Variants in NUTM1 observed in about 807,000 individuals in gnomAD.
NUTM1 encodes the protein NUT family member 1.
NUTM1 carries 39 observed loss-of-function variants against 88.7 expected under a neutral mutation model. The ratio of observed to expected loss-of-function variants is 0.44; its 90% CI spans 0.34 to 0.57. NUTM1 has a LOEUF of 0.57. Among genes scored for constraint, NUTM1 ranks in the 20% least tolerant of loss-of-function variants. The pLI is 0.01. For synonymous variants in NUTM1, 494 were observed against 538.0 expected (o/e 0.92, Z 1.13); for missense variants, 1,350 against 1,414.5 (o/e 0.95, Z 0.73).
In NUTM1 at chr15:34,348,481, A is replaced by G; in HGVS notation, c.613A>G (p.Lys205Glu). ...ACTGGTCCCCATTGTGCCCCTGGAAAAAGCTTGGCCAGGGCCACATGGGAC... is the reference window on the plus strand; with the variant it reads ...ACTGGTCCCCATTGTGCCCCTGGAAGAAGCTTGGCCAGGGCCACATGGGAC... ...AQLVPIVPLE[K>E]AWPGPHGTTG... is the part of the protein sequence containing the mutation. The change falls in exon 3 of 8, where the codon AAA becomes GAA. Residue 205 changes from lysine to glutamate, a missense_variant. Lys to Glu is a moderately conservative substitution (Grantham distance 56). Transcript: ENST00000537011. The G allele has an allele frequency of 6.2e-7, 1 of 1,614,174 alleles. No individual in the cohort carries two copies. The highest frequency in any genetic ancestry group is 8.5e-7 in the Non-Finnish European group (1 of 1,179,996).
In NUTM1 at chr15:34,348,195, T is replaced by G. The variant is rs1595609126; in HGVS notation, c.327T>G (p.Ser109Arg). The G allele has an allele frequency of 6.2e-7, 1 of 1,613,158 alleles. No homozygotes were observed. The highest frequency in any genetic ancestry group is 8.5e-7 in the Non-Finnish European group (1 of 1,179,134). ...CAGGGGATGGGGGCCCTTGCCTCAG[T>G]GGGGCTGGGGCTGGCAAGGTCATTG... is the stretch of plus-strand genomic sequence containing the variant. ...LVTGDGGPCL[S>R]GAGAGKVIVK... Residue 109 changes from serine to arginine, a missense_variant, in exon 3 of 8, where the codon AGT (serine) becomes AGG (arginine). Transcript: ENST00000537011.
Position 34,355,134 on chromosome 15 carries a change from C to T in NUTM1, c.1476C>T (p.Ala492=). 6.3e-7 allele frequency: 1 copy of T among 1,577,212 alleles called. No individual in the cohort carries two copies. Among genetic ancestry groups the T allele is most frequent in the African/African-American group, 1.3e-5 (1 of 74,292 alleles). The change falls in exon 7 of 8, where the codon GCC becomes GCT. Residue 492 remains alanine, a synonymous_variant. Transcript: ENST00000537011. This position sits in a 1 kb window ranked among gnomAD's most constrained non-coding sequence, Gnocchi z 4.3. The part of the protein sequence containing the change: ...ELEQEEGLTL[A]QLVQKRLMAL... ...AGCAAGAAGAAGGACTCACTCTTGC[C>T]CAGGTAAAACTGGGGTATAGGAAAT...
chr15:34,347,935 C>T lies in NUTM1; in HGVS notation c.101-34C>T, dbSNP rs181825749. On this transcript the variant is annotated intron_variant, in intron 2 of 7. Coordinates refer to ENST00000537011, the MANE Select transcript of NUTM1 (RefSeq NM_001284292.2). ...TGGCTAACTCTGGTCTTCTTTTCTC[C>T]TACTCCATTTCTTCTTTTTCTTTGT... The T allele has an allele frequency of 5.0e-5, 68 of 1,357,878 alleles. No homozygotes were observed. In the African/African-American group the frequency reaches 9.2e-4, roughly 18 times the overall value. The allele number at this position is 1,357,878 out of a possible 1,614,324, so 84.1% of individuals were successfully genotyped here.
In NUTM1 at chr15:34,348,613, A is replaced by G. The variant is rs1304875881; in HGVS notation, c.745A>G (p.Lys249Glu). 6.8e-6 allele frequency: 11 copies of G among 1,610,926 alleles called. No individual in the cohort carries two copies. Residue 249 changes from lysine to glutamate, a missense_variant, in exon 3 of 8, where the codon AAA becomes GAA. Around this residue, in one of 5 missense-constraint regions of NUTM1, gnomAD observed 399 missense variants for 397.9 expected, o/e 1.00. Coordinates refer to ENST00000537011, the MANE Select transcript of NUTM1 (RefSeq NM_001284292.2). ...GAACTTCCGTCAGTGGCAGCGTTACAAAGCCTTGGCCCGGAGGCACCTATC... is the reference window on the plus strand; with the variant it reads ...GAACTTCCGTCAGTGGCAGCGTTACGAAGCCTTGGCCCGGAGGCACCTATC... ...YENFRQWQRY[K>E]ALARRHLSQS...
intron 3 of NUTM1, among the ~76,000 whole-genome samples, chr15:34,349,092 A>T (rs1168618609): frequency 6.6e-6 from 1 of 152,096 alleles, no homozygotes; most frequent in Non-Finnish European, 1.5e-5. Flanking sequence ...CTGGACCCTA[A>T]CTCAGGGCCC....
intron 3 of NUTM1, among the ~76,000 whole-genome samples, chr15:34,349,880 A>G (rs112076508): frequency 5.8e-4 from 88 of 152,232 alleles, no homozygotes; most frequent in African/African-American, 1.9e-3. Context: ...GTGGGCTCTC[A>G]AGGTTTGCAT....
In NUTM1 at chr15:34,355,525, A is replaced by G. The variant is rs560114865; in HGVS notation, c.1517A>G (p.Glu506Gly). 1.4e-4 allele frequency: 219 copies of G among 1,614,100 alleles called. 2 individuals carry two copies. The South Asian group carries it at 2.3e-3, about 17-fold the overall frequency. Residue 506 changes from glutamate to glycine, a missense_variant, in exon 8 of 8, where the codon GAA becomes GGA. By Grantham distance (98) the Glu-to-Gly change is moderately conservative (BLOSUM62 -2). Around this residue, in one of 5 missense-constraint regions of NUTM1, gnomAD observed 126 missense variants for 189.8 expected, o/e 0.66. Transcript: ENST00000537011. The surrounding 1 kb of genome is among the most constrained non-coding windows in gnomAD (Gnocchi z 4.3). The stretch of plus-strand genomic sequence containing the variant: ...CGACTCATGGCCTTGGAAGAGGAGG[A>G]AGATGCAGAGGCGCCTCCAAGTTTC... ...QKRLMALEEE[E>G]DAEAPPSFSG...
chr15:34,345,387 A>G (rs1426259568), intron 1 of NUTM1, among the ~76,000 whole-genome samples: 1 of 152,228 alleles, frequency 6.6e-6, no homozygotes, highest in African/African-American at 2.4e-5. Context: ...TACAGAGCCT[A>G]TGTTAGTAGA....
chr15:34,350,764 A>C lies in NUTM1; in HGVS notation c.870A>C (p.Pro290=). ...CTATGACCCTGGAGGAGGGACTGCC[A>C]TTGGCTGTGCAGGAGTGGGAGCACA... ...KPTMTLEEGL[P]LAVQEWEHTS... Residue 290 remains proline (P), a synonymous_variant, in exon 4 of 8, where the codon CCA becomes CCC. Coordinates refer to ENST00000537011, the MANE Select transcript of NUTM1 (RefSeq NM_001284292.2). 6.2e-7 allele frequency: 1 copy of C among 1,614,030 alleles called. No individual in the cohort carries two copies.
chr15:34,345,764 GA>G, intron 1 of NUTM1, 177 bp from the exon 2 acceptor site: 2 of 804,010 alleles, frequency 2.5e-6, no homozygotes, highest in Non-Finnish European at 3.7e-6. Context: ...AGTTTGAAGG[GA>G]ATTCCTGGTT....
rs990588960 is a variant in NUTM1, at chr15:34,347,893, A to G, written c.101-76A>G. The G allele has an allele frequency of 5.2e-6, 3 of 581,868 alleles. No individual in the cohort carries two copies. In the African/African-American group the frequency reaches 6.1e-5, roughly 12 times the overall value. The allele number at this position is 581,868 out of a possible 1,614,324, so 36.0% of individuals were successfully genotyped here. On this transcript the variant is annotated intron_variant, in intron 2 of 7. Coordinates refer to ENST00000537011, the MANE Select transcript of NUTM1 (RefSeq NM_001284292.2). ...AAATAAAAATAAAAATAAAAATAAA[A>G]AAATGGGGAATTCAGATGGCTAACT...
At position 34,347,226 on chromosome 15, in the gene NUTM1, T is replaced by C. The variant is rs1408694502; in HGVS notation, c.101-743T>C. ...TGAGGCCAGGAGTCTGAGCCTAGCC[T>C]AGGCAACATAGCGAGACGTCATCTC... is the stretch of plus-strand genomic sequence containing the variant. On this transcript the variant is annotated intron_variant, in intron 2 of 7. Coordinates refer to ENST00000537011, the MANE Select transcript of NUTM1 (RefSeq NM_001284292.2). 2.6e-5 allele frequency among the ~76,000 whole-genome samples: 4 copies of C among 151,380 alleles called. No individual in the cohort carries two copies. The East Asian group carries it at 7.7e-4, about 29-fold the overall frequency.
In NUTM1 at chr15:34,343,619, GA is replaced by G; in HGVS notation, c.-75del. ...GCGAAAGAGCGTAAAGTTATTTTATGAAACTGGTGAAGCATGTTTCAGCGGT... is the reference window on the plus strand; with the variant it reads ...GCGAAAGAGCGTAAAGTTATTTTATGAACTGGTGAAGCATGTTTCAGCGGT... On this transcript the variant is annotated 5_prime_UTR_variant, in exon 1 of 8. It removes the in-frame stop codon of an upstream open reading frame in the 5' UTR. Coordinates refer to ENST00000537011, the MANE Select transcript of NUTM1 (RefSeq NM_001284292.2). 4 of 1,535,442 alleles carry G rather than the reference GA, an allele frequency of 2.6e-6. No individual in the cohort carries two copies. Among genetic ancestry groups the G allele is most frequent in the Non-Finnish European group, 3.5e-6 (4 of 1,146,774 alleles).
intron 4 of NUTM1, among the ~76,000 whole-genome samples, chr15:34,353,139 C>A (rs1041546714): frequency 6.6e-6 from 1 of 151,754 alleles, no homozygotes; most frequent in Non-Finnish European, 1.5e-5. Context: ...CCCGCCTCAG[C>A]CTCCCAAAGT....
rs372919905 is a variant in NUTM1, at chr15:34,353,712, C to A, written c.939-24C>A. 2.5e-6 allele frequency: 4 copies of A among 1,613,794 alleles called. No homozygotes were observed. The South Asian group carries it at 3.3e-5, about 13-fold the overall frequency. On this transcript the variant is annotated intron_variant, in intron 4 of 7. Transcript: ENST00000537011. ...GGTCTGGTCTCCTTCTCAGCATTGC[C>A]TATGCCTTTCTCACCCTCTGCAGGT...
rs1439633323 is a variant in NUTM1 at position 34,356,336 on chromosome 15, T to G, written c.2328T>G (p.Val776=). ...QIEEVIESFQ[V]EKCVTEYQEG... ...AGGAGGTCATAGAGAGCTTCCAAGT[T>G]GAGAAGTGTGTAACTGAGTATCAGG... The change falls in exon 8 of 8, where the codon GTT becomes GTG. Residue 776 remains valine, a synonymous_variant. Transcript: ENST00000537011. 2.5e-6 allele frequency: 4 copies of G among 1,613,742 alleles called. No homozygotes were observed. The highest frequency in any genetic ancestry group is 2.5e-6 in the Non-Finnish European group (3 of 1,179,908).
chr15:34,343,826 C>A, intron 1 of NUTM1, 124 bp downstream of exon 1: 2 of 773,826 alleles, frequency 2.6e-6, no homozygotes, highest in Non-Finnish European at 4.1e-6. Flanking sequence ...ACCAAAATAT[C>A]ATTACAAAGA....
At position 34,354,470 on chromosome 15, in the gene NUTM1, C is replaced by T; in HGVS notation, c.1100C>T (p.Ser367Phe). The T allele has an allele frequency of 1.2e-6, 2 of 1,614,138 alleles. No individual in the cohort carries two copies. The highest frequency in any genetic ancestry group is 1.7e-6 in the Non-Finnish European group (2 of 1,180,028). Residue 367 changes from serine (S) to phenylalanine (F), a missense_variant, in exon 6 of 8, where the codon TCC becomes TTC. By Grantham distance (155) the Ser-to-Phe change is radical. This residue lies in a region of NUTM1 where 89 missense variants were observed against 76.0 expected (regional missense o/e 1.17). Coordinates refer to ENST00000537011, the MANE Select transcript of NUTM1 (RefSeq NM_001284292.2). ...GTGTACATTCCGAAGAAGGCAGCCT[C>T]CAAGACACGGGCCCCCCGCCGGCGT... is the stretch of plus-strand genomic sequence containing the variant. The part of the protein sequence containing the change: ...QPVYIPKKAA[S>F]KTRAPRRRQR...
Position 34,357,046 on chromosome 15 carries a change from C to A in NUTM1, c.3038C>A (p.Pro1013Gln). 1 of 1,613,768 alleles carries A rather than the reference C, an allele frequency of 6.2e-7. No homozygotes were observed. The highest frequency in any genetic ancestry group is 8.5e-7 in the Non-Finnish European group (1 of 1,179,950). Reference protein sequence around the residue: ...PRRGTRNAIVPRETSVSKTHR... With the variant: ...PRRGTRNAIVQRETSVSKTHR... ...AGGGGAACCAGGAATGCCATAGTTC[C>A]GAGAGAAACTTCTGTTAGTAAAACA... The change falls in exon 8 of 8, where the codon CCG becomes CAG. Residue 1013 changes from proline (P) to glutamine (Q), a missense_variant. Pro to Gln is a moderately conservative substitution (Grantham distance 76). This residue lies in a region of NUTM1 where 730 missense variants were observed against 728.8 expected (regional missense o/e 1.00). Coordinates refer to ENST00000537011, the MANE Select transcript of NUTM1 (RefSeq NM_001284292.2).
Sources: gnomAD v4.1 joint callset for allele counts (sites outside exome capture counted in the v4.1 genomes callset) on GRCh38, gnomAD v4.1.1 for gene constraint, gnomAD v4.1.1 regional missense constraint, Gnocchi (gnomAD v3.1) non-coding constraint, MANE v1.5 for transcripts, NCBI Gene and HGNC (gene_info 2026-07-23, HGNC 2026-07-21) for gene names.